Variants in PPFIA2 observed in about 807,000 individuals in gnomAD.
The protein encoded by PPFIA2 is PPFI scaffold protein A2, also known as liprin-alpha-2.
A neutral mutation model predicts 175.5 loss-of-function variants in PPFIA2; 46 were observed. The observed-to-expected ratio is 0.26, with a 90% CI of 0.21 to 0.34. PPFIA2 has a LOEUF of 0.34. Among genes scored for constraint, PPFIA2 ranks in the 10% least tolerant of loss-of-function variants. PPFIA2 has a pLI of 1.00. For missense variants in PPFIA2, 1,179 were observed against 1,506.1 expected, an observed-to-expected ratio of 0.78 and a Z score of 3.60; for synonymous variants, 568 against 511.4, an observed-to-expected ratio of 1.11 and a Z score of -1.49.
chr12:81,556,781 C>T (rs2068950352), intron 4 of PPFIA2, among the ~76,000 whole-genome samples: 1 of 151,776 alleles, frequency 6.6e-6, no homozygotes, highest in African/African-American at 2.4e-5. Context: ...CTGGGGGCTA[C>T]CCATTGTTGG....
chr12:81,595,558 C>T (rs10506843), intron 4 of PPFIA2, among the ~76,000 whole-genome samples: 8,427 of 152,044 alleles, frequency 0.055, 344 homozygotes, highest in East Asian at 0.22. Context: ...TAATATAAAA[C>T]TGATGATTCA....
At chr12:81,722,572 T>G (rs1348733238) in intron 3 of PPFIA2, among the ~76,000 whole-genome samples, 1 of 151,010 alleles carries the variant, frequency 6.6e-6, no homozygotes, top group African/African-American at 2.4e-5. Context: ...CCAGGAGAGA[T>G]AGGAGATAGG....
rs760602492 is a variant in PPFIA2, at chr12:81,512,267, G to C, written c.304-54401C>G. 9.5e-6 allele frequency: 12 copies of C among 1,264,178 alleles called. No homozygotes were observed. The South Asian group carries it at 1.4e-4, about 14-fold the overall frequency. 78.3% of individuals were successfully genotyped at this position (1,264,178 alleles called of 1,614,324 possible). On this transcript the variant is annotated intron_variant, in intron 4 of 32. Transcript: ENST00000549396. ...TCATTACAAAATCTAAACACCTCATGCTGACACAAAACATACCTGATGTCC... is the reference window on the plus strand; with the variant it reads ...TCATTACAAAATCTAAACACCTCATCCTGACACAAAACATACCTGATGTCC...
intron 30 of PPFIA2, among the ~76,000 whole-genome samples, chr12:81,265,702 C>T (rs917627711): frequency 1.3e-5 from 2 of 152,254 alleles, no homozygotes; most frequent in South Asian, 2.1e-4. Flanking sequence ...GACAACGAGT[C>T]GCATCTCGTT....
chr12:81,269,062 T>C (rs974863444), intron 28 of PPFIA2, among the ~76,000 whole-genome samples: 18 of 152,218 alleles, frequency 1.2e-4, no homozygotes, highest in Non-Finnish European at 2.5e-4. Flanking sequence ...ATTTCTTTGA[T>C]TTTTATTTTC....
At chr12:81,387,698 T>C (rs961625750) in intron 8 of PPFIA2, among the ~76,000 whole-genome samples, 1 of 152,170 alleles carries the variant, frequency 6.6e-6, no homozygotes, top group Admixed American at 6.6e-5. Context: ...TTTAAAATTA[T>C]GGCAAAACCC....
intron 4 of PPFIA2, among the ~76,000 whole-genome samples, chr12:81,502,785 A>G (rs921188515): frequency 6.6e-6 from 1 of 152,174 alleles, no homozygotes. Context: ...CACTATTGAT[A>G]ATTTCTTTCC....
In PPFIA2 at chr12:81,699,377, T is replaced by C. The variant is rs149818528; in HGVS notation, c.250-22533A>G. On this transcript the variant is annotated intron_variant, in intron 3 of 32. Transcript: ENST00000549396. ...TTAAATTTTCATGATTTCAATATTG[T>C]ACAATTTTTGCAGAGATATTTGCTT... Among the ~76,000 whole-genome samples the C allele has an allele frequency of 2.6e-5, 4 of 151,978 alleles. No homozygotes were observed. The South Asian group carries it at 6.2e-4, about 24-fold the overall frequency.
At chr12:81,352,113 C>A (rs2140901007) in intron 17 of PPFIA2, among the ~76,000 whole-genome samples, 1 of 152,092 alleles carries the variant, frequency 6.6e-6, no homozygotes, top group African/African-American at 2.4e-5. Flanking sequence ...ACCTTCAATT[C>A]ATAGGCCGAA....
chr12:81,329,837 CAT>C (rs531066430), intron 21 of PPFIA2, among the ~76,000 whole-genome samples: 81 of 152,340 alleles, frequency 5.3e-4, no homozygotes, highest in African/African-American at 1.9e-3. Flanking sequence ...TAACTGAGAA[CAT>C]TTCGATGCTT....
intron 4 of PPFIA2, among the ~76,000 whole-genome samples, chr12:81,560,380 GT>G (rs1230270719): frequency 6.6e-6 from 1 of 151,992 alleles, no homozygotes; most frequent in East Asian, 1.9e-4. Flanking sequence ...AAGGTGGAAG[GT>G]AATCATATGT....
Position 81,367,177 on chromosome 12 carries a change from A to AAAAG in PPFIA2, c.1483-11_1483-8dup, listed in dbSNP as rs1450111615. 3 of 1,364,366 alleles carry AAAAG rather than the reference A, an allele frequency of 2.2e-6. No homozygotes were observed. The South Asian group carries it at 5.1e-5, about 23-fold the overall frequency. 84.5% of individuals were successfully genotyped at this position (1,364,366 alleles called of 1,614,324 possible). A position where few individuals can be genotyped will look rare whatever the true frequency, so the allele number is the denominator to read the frequency against. ...ATTCTTGAATTAAAACATTCTAAAG[A>AAAAG]AAAGAAAATAGCAGAAATAATTAAT... On this transcript the variant is annotated splice_region_variant and splice_polypyrimidine_tract_variant and intron_variant, in intron 13 of 32. Coordinates refer to ENST00000549396, the MANE Select transcript of PPFIA2 (RefSeq NM_003625.5).
intron 4 of PPFIA2, among the ~76,000 whole-genome samples, chr12:81,471,649 G>T (rs2056752877): frequency 6.6e-6 from 1 of 151,736 alleles, no homozygotes; most frequent in South Asian, 2.1e-4. Context: ...TAATATCTTT[G>T]GTTATATACC....
intron 8 of PPFIA2, among the ~76,000 whole-genome samples, chr12:81,404,177 C>A (rs540806646): frequency 1.3e-5 from 2 of 152,020 alleles, no homozygotes; most frequent in Non-Finnish European, 2.9e-5. Flanking sequence ...AAGAAGAACA[C>A]TTCAAGTATG....
chr12:81,283,810 T>C (rs981958234), intron 25 of PPFIA2, among the ~76,000 whole-genome samples: 5 of 152,082 alleles, frequency 3.3e-5, no homozygotes, highest in African/African-American at 7.2e-5. Context: ...TGGGGGTTTT[T>C]TTGGTCAAGC....
At chr12:81,275,159 C>A (rs534678173) in intron 28 of PPFIA2, among the ~76,000 whole-genome samples, 1 of 152,284 alleles carries the variant, frequency 6.6e-6, no homozygotes, top group African/African-American at 2.4e-5. Context: ...CATCTTTGGT[C>A]CATTAATTCC....
chr12:81,355,440 C>A (rs1419076980), intron 16 of PPFIA2, among the ~76,000 whole-genome samples: 1 of 152,150 alleles, frequency 6.6e-6, no homozygotes, highest in Non-Finnish European at 1.5e-5. Flanking sequence ...TTGGCTTCAG[C>A]TTACAGTCAC....
At chr12:81,449,795 C>A (rs568140138) in intron 5 of PPFIA2, among the ~76,000 whole-genome samples, 21 of 142,178 alleles carry the variant, frequency 1.5e-4, no homozygotes, top group Non-Finnish European at 2.9e-4. Context: ...CCCCTCCCCC[C>A]GACCCCATGA....
rs1219422466 is a variant in PPFIA2, at chr12:81,268,008, A to C, written c.3390T>G (p.Leu1130=). The stretch of plus-strand genomic sequence containing the variant: ...TAAGTGAGCCATGCACACCGCTCTC[A>C]AGTATATTATTTGCATATTCTCGAA... The part of the protein sequence containing the change: ...IGLREYANNI[L]ESGVHGSLIA... Residue 1130 remains leucine (L), a synonymous_variant, in exon 29 of 33, where the codon CTT becomes CTG. Transcript: ENST00000549396. 1 of 1,597,854 alleles carries C rather than the reference A, an allele frequency of 6.3e-7. No homozygotes were observed. Among genetic ancestry groups the C allele is most frequent in the Admixed American group, 1.7e-5 (1 of 57,938 alleles).
Sources: gnomAD v4.1 joint callset for allele counts (sites outside exome capture counted in the v4.1 genomes callset) on GRCh38, gnomAD v4.1.1 for gene constraint, MANE v1.5 for transcripts, NCBI Gene and HGNC (gene_info 2026-07-23, HGNC 2026-07-21) for gene names.